LPAR1: variants seen among roughly 807,000 people sequenced by gnomAD.
The protein encoded by LPAR1 is lysophosphatidic acid receptor 1, also known as LPA receptor 1.
LPAR1 carries 5 observed loss-of-function variants against 23.8 expected under a neutral mutation model. The observed-to-expected ratio is 0.21, with a 90% CI of 0.11 to 0.44. The LOEUF (loss-of-function observed/expected upper bound fraction) is 0.44. LPAR1 is among the 20% of genes least tolerant of loss of function. LPAR1 has a pLI of 0.99. For missense variants in LPAR1, 311 were observed against 482.8 expected, an observed-to-expected ratio of 0.64 and a Z score of 3.33; for synonymous variants, 160 against 164.7, an observed-to-expected ratio of 0.97 and a Z score of 0.22.
At chr9:110,980,356 G>C (rs2096642003) in intron 2 of LPAR1, among the ~76,000 whole-genome samples, 1 of 152,014 alleles carries the variant, frequency 6.6e-6, no homozygotes, top group Non-Finnish European at 1.5e-5. Context: ...CAAAACAACT[G>C]AAAGTGGTAG....
intron 5 of LPAR1, among the ~76,000 whole-genome samples, chr9:110,900,602 TCTA>T (rs1266275638): frequency 6.6e-6 from 1 of 152,198 alleles, no homozygotes; most frequent in Non-Finnish European, 1.5e-5. Flanking sequence ...ACCAAGTTTT[TCTA>T]CTTTTAATGT....
At chr9:110,950,240 A>C (rs934940702) in intron 4 of LPAR1, among the ~76,000 whole-genome samples, 1 of 152,072 alleles carries the variant, frequency 6.6e-6, no homozygotes, top group Admixed American at 6.6e-5. Context: ...CAGGTGGCTC[A>C]CTTGAGGCCA....
chr9:110,942,155 T>A lies in LPAR1; in HGVS notation c.59A>T (p.Asn20Ile). Residue 20 changes from asparagine (N) to isoleucine (I), a missense_variant, in exon 5 of 6, where the codon AAT becomes ATT. This residue lies in a region of LPAR1 where 61 missense variants were observed against 55.6 expected (regional missense o/e 1.10). Coordinates refer to ENST00000683809, the MANE Select transcript of LPAR1 (RefSeq NM_001351411.2). ...VISQPQFTAMNEPQCFYNESI... is the reference protein window; with the variant it reads ...VISQPQFTAMIEPQCFYNESI... Reference sequence around the variant, plus strand: ...CTCGTTGTAGAAGCACTGTGGTTCATTCATGGCTGTGAACTAAAAGAAAAA... The same window carrying A: ...CTCGTTGTAGAAGCACTGTGGTTCAATCATGGCTGTGAACTAAAAGAAAAA... 3 of 1,609,416 alleles carry A rather than the reference T, an allele frequency of 1.9e-6. No individual in the cohort carries two copies. Among genetic ancestry groups the A allele is most frequent in the Non-Finnish European group, 2.5e-6 (3 of 1,178,320 alleles).
intron 2 of LPAR1, among the ~76,000 whole-genome samples, chr9:110,996,149 T>A (rs1426367619): frequency 6.6e-6 from 1 of 152,112 alleles, no homozygotes; most frequent in Non-Finnish European, 1.5e-5. Context: ...AAAAACACAG[T>A]GGGATAGTCC....
intron 5 of LPAR1, among the ~76,000 whole-genome samples, chr9:110,888,784 T>C (rs542908737): frequency 2.3e-4 from 35 of 152,220 alleles, no homozygotes; most frequent in Admixed American, 1.7e-3. Context: ...GTGGAGATCA[T>C]AGACACATTT....
At chr9:110,928,615 T>C (rs1387241545) in intron 5 of LPAR1, among the ~76,000 whole-genome samples, 1 of 152,118 alleles carries the variant, frequency 6.6e-6, no homozygotes, top group African/African-American at 2.4e-5. Flanking sequence ...CACATACATA[T>C]ACACACACAC....
At position 110,942,160 on chromosome 9, in the gene LPAR1, G is replaced by C. The variant is rs1238529197; in HGVS notation, c.54C>G (p.Ala18=). Residue 18 remains alanine, a synonymous_variant, in exon 5 of 6, where the codon GCC becomes GCG. Coordinates refer to ENST00000683809, the MANE Select transcript of LPAR1 (RefSeq NM_001351411.2). ...TGTAGAAGCACTGTGGTTCATTCAT[G>C]GCTGTGAACTAAAAGAAAAAGGAGA... ...IPVISQPQFT[A]MNEPQCFYNE... The C allele has an allele frequency of 2.8e-5, 45 of 1,600,376 alleles. No individual in the cohort carries two copies. The highest frequency in any genetic ancestry group is 3.8e-5 in the Non-Finnish European group (45 of 1,175,338).
chr9:110,986,533 T>G (rs2096785134), intron 2 of LPAR1, among the ~76,000 whole-genome samples: 2 of 151,890 alleles, frequency 1.3e-5, no homozygotes. Flanking sequence ...AGTGAAACTC[T>G]GTCTCCACAA....
chr9:110,914,202 G>A (rs2092792814), intron 5 of LPAR1, among the ~76,000 whole-genome samples: 1 of 152,076 alleles, frequency 6.6e-6, no homozygotes, highest in Middle Eastern at 3.2e-3. Flanking sequence ...TTATCACTGT[G>A]TACACAAATG....
At chr9:111,026,450 T>C (rs958487497) in intron 2 of LPAR1, among the ~76,000 whole-genome samples, 1 of 152,248 alleles carries the variant, frequency 6.6e-6, no homozygotes. Flanking sequence ...GTTTTCTAAA[T>C]ATACAATCAT....
intron 2 of LPAR1, among the ~76,000 whole-genome samples, chr9:111,027,824 G>C (rs952047164): frequency 7.9e-6 from 1 of 126,010 alleles, no homozygotes; most frequent in Non-Finnish European, 1.6e-5. Flanking sequence ...AGATCATTTA[G>C]AGTAAGGATA....
At chr9:110,899,851 A>C (rs1242821446) in intron 5 of LPAR1, among the ~76,000 whole-genome samples, 1 of 152,100 alleles carries the variant, frequency 6.6e-6, no homozygotes, top group Non-Finnish European at 1.5e-5. Flanking sequence ...ATTCCATTGT[A>C]AGATATTTAG....
At chr9:110,923,716 G>T (rs529303492) in intron 5 of LPAR1, among the ~76,000 whole-genome samples, 2 of 152,122 alleles carry the variant, frequency 1.3e-5, no homozygotes, top group South Asian at 4.1e-4. Flanking sequence ...CATTTAACAC[G>T]CAAGGAAACT....
intron 5 of LPAR1, among the ~76,000 whole-genome samples, chr9:110,918,997 C>T (rs529124864): frequency 5.8e-4 from 88 of 152,172 alleles, no homozygotes; most frequent in African/African-American, 2.0e-3. Context: ...GGTGTGTGAG[C>T]AGAACCTGTA....
intron 5 of LPAR1, among the ~76,000 whole-genome samples, chr9:110,914,906 C>T (rs1436872550): frequency 6.6e-6 from 1 of 152,010 alleles, no homozygotes; most frequent in East Asian, 1.9e-4. Context: ...AAAAATGAAA[C>T]CTAACCTTAG....
chr9:111,004,616 T>C (rs1387971175), intron 2 of LPAR1, among the ~76,000 whole-genome samples: 1 of 152,164 alleles, frequency 6.6e-6, no homozygotes, highest in Non-Finnish European at 1.5e-5. Context: ...AACACCATGC[T>C]CCCTTGATTC....
At chr9:110,901,509 G>A (rs2088966333) in intron 5 of LPAR1, among the ~76,000 whole-genome samples, 1 of 152,120 alleles carries the variant, frequency 6.6e-6, no homozygotes. Flanking sequence ...GGAAGAGCAA[G>A]GTATGTCTTA....
intron 5 of LPAR1, among the ~76,000 whole-genome samples, chr9:110,882,757 T>A (rs1246818016): frequency 2.1e-5 from 3 of 141,696 alleles, no homozygotes; most frequent in African/African-American, 4.9e-5. Context: ...TTTGGTTATA[T>A]CTACAATTCT....
chr9:111,011,776 G>A (rs986434231), intron 2 of LPAR1, among the ~76,000 whole-genome samples: 2 of 152,172 alleles, frequency 1.3e-5, no homozygotes, highest in Non-Finnish European at 2.9e-5. Context: ...GTTTGGATAT[G>A]AGGTGTTTAG....
Sources: gnomAD v4.1 joint callset for allele counts (sites outside exome capture counted in the v4.1 genomes callset) on GRCh38, gnomAD v4.1.1 for gene constraint, gnomAD v4.1.1 regional missense constraint, MANE v1.5 for transcripts, NCBI Gene and HGNC (gene_info 2026-07-23, HGNC 2026-07-21) for gene names.